Variants in SATL1 observed in about 807,000 individuals in gnomAD.
The protein encoded by SATL1 is spermidine/spermine N(1)-acetyltransferase-like protein 1.
A neutral mutation model predicts 51.8 loss-of-function variants in SATL1; 47 were observed. That is an observed-to-expected ratio of 0.91 (90% CI 0.72 to 1.16). The LOEUF (loss-of-function observed/expected upper bound fraction) is 1.16, where lower values mean the gene tolerates loss of function less well. Among genes scored for constraint, SATL1 ranks in the 50% most tolerant of loss-of-function variants. The probability of loss-of-function intolerance (pLI) is 0.00; values close to 1 mark genes in which losing one functional copy is unlikely to be tolerated. For synonymous variants in SATL1, 176 were observed against 182.4 expected (o/e 0.97, Z 0.28); for missense variants, 520 against 526.4 (o/e 0.99, Z 0.12).
chrX:85,147,868 TG>T (rs1382675055), intron 2 of SATL1, among the ~76,000 whole-genome samples: 1 of 110,613 alleles, frequency 9.0e-6, no homozygotes, highest in Non-Finnish European at 1.9e-5. Context: ...ACCACAAAGA[TG>T]GGGAAAAAAC....
chrX:85,165,525 C>A lies in SATL1; in HGVS notation c.-312-56245G>T, dbSNP rs1926815706. Among the ~76,000 whole-genome samples the A allele has an allele frequency of 1.0e-4, 11 of 110,289 alleles. 1 individual carries two copies. In the Admixed American group the frequency reaches 1.1e-3, roughly 11 times the overall value. ...CTAATTGAATAGCTTAATAATCAAC[C>A]TTCTGAATTCTTTATCTGGCAATTT... On this transcript the variant is annotated intron_variant, in intron 2 of 7. Coordinates refer to ENST00000644105, the MANE Select transcript of SATL1 (RefSeq NM_001367857.2).
At chrX:85,116,774 C>A (rs1219774800) in intron 2 of SATL1, among the ~76,000 whole-genome samples, 1 of 110,577 alleles carries the variant, frequency 9.0e-6, no homozygotes, top group Non-Finnish European at 1.9e-5. Context: ...TACCTACCTA[C>A]TCCAATAATA....
chrX:85,218,968 T>C (rs996971016), intron 2 of SATL1: 1 of 112,414 alleles, frequency 8.9e-6, no homozygotes, highest in Non-Finnish European at 1.9e-5. Flanking sequence ...CTAAAATAAC[T>C]AAACATAAGC....
intron 2 of SATL1, chrX:85,210,472 A>G (rs1020567782): frequency 1.8e-5 from 2 of 109,129 alleles, no homozygotes; most frequent in African/African-American, 6.7e-5. Context: ...ACTGCTTCCA[A>G]AGGAATCCTC....
At chrX:85,159,174 A>T (rs1249364675) in intron 2 of SATL1, among the ~76,000 whole-genome samples, 1 of 111,906 alleles carries the variant, frequency 8.9e-6, no homozygotes, top group Admixed American at 9.5e-5. Context: ...ACTCCACCCT[A>T]TAAGTACCTG....
At chrX:85,170,379 T>C (rs776684099) in intron 2 of SATL1, among the ~76,000 whole-genome samples, 146 of 111,810 alleles carry the variant, frequency 1.3e-3, no homozygotes, top group African/African-American at 4.4e-3. Flanking sequence ...TGCGACATTT[T>C]ATTTTGCCTT....
chrX:85,127,471 G>A (rs1161315947), intron 2 of SATL1, among the ~76,000 whole-genome samples: 1 of 111,197 alleles, frequency 9.0e-6, no homozygotes, highest in Non-Finnish European at 1.9e-5. Flanking sequence ...CTGGATGAAG[G>A]CATTAACTTC....
intron 2 of SATL1, among the ~76,000 whole-genome samples, chrX:85,172,211 T>C (rs1005978830): frequency 1.8e-5 from 2 of 111,751 alleles, no homozygotes; most frequent in South Asian, 3.7e-4. Context: ...CTAAAGAGGA[T>C]ATACGCATGT....
chrX:85,213,579 G>A (rs1044976749), intron 2 of SATL1, among the ~76,000 whole-genome samples: 5 of 111,337 alleles, frequency 4.5e-5, no homozygotes, highest in Non-Finnish European at 1.9e-5. Context: ...ATTTTTGGTT[G>A]ACCGCATAGC....
chrX:85,185,821 C>A (rs1004408979), intron 2 of SATL1, among the ~76,000 whole-genome samples: 1 of 110,531 alleles, frequency 9.0e-6, no homozygotes, highest in East Asian at 2.9e-4. Flanking sequence ...GCTCTACCCC[C>A]CTGTGGCCAA....
chrX:85,098,691 C>T (rs1027256194), intron 4 of SATL1, among the ~76,000 whole-genome samples: 2 of 111,228 alleles, frequency 1.8e-5, no homozygotes, highest in Admixed American at 9.6e-5. Context: ...AATTAAACAA[C>T]GCACCGTACA....
chrX:85,097,103 G>A (rs1336590435), intron 4 of SATL1, among the ~76,000 whole-genome samples: 3 of 111,401 alleles, frequency 2.7e-5, no homozygotes, highest in Non-Finnish European at 5.6e-5. Context: ...ACACTTACAC[G>A]TGGATTTTTT....
At position 85,229,063 on chromosome X, in the gene SATL1, C is replaced by A. The variant is rs73627333; in HGVS notation, c.-434-4737G>T. ...CTTTGGAGTCATCTTTGACTTTTCT[C>A]TTTATCTCTACTCCACATCCAATCT... On this transcript the variant is annotated intron_variant, in intron 1 of 7. Coordinates refer to ENST00000644105, the MANE Select transcript of SATL1 (RefSeq NM_001367857.2). Among the ~76,000 whole-genome samples, 1,024 of 111,536 alleles carry A rather than the reference C, an allele frequency of 9.2e-3. 11 individuals are homozygous for A. Among genetic ancestry groups the A allele is most frequent in the African/African-American group, 0.032 (970 of 30,741 alleles).
intron 2 of SATL1, among the ~76,000 whole-genome samples, chrX:85,223,075 C>G (rs772838651): frequency 4.5e-5 from 5 of 111,778 alleles, no homozygotes; most frequent in Non-Finnish European, 9.4e-5. Context: ...AGATTTTTAA[C>G]AGTTTCAGAG....
At chrX:85,188,204 G>A (rs146214483) in intron 2 of SATL1, among the ~76,000 whole-genome samples, 2 of 111,447 alleles carry the variant, frequency 1.8e-5, no homozygotes, top group African/African-American at 6.5e-5. Context: ...ATATATGTTA[G>A]CTGGGTGGAA....
chrX:85,114,240 C>T (rs1202149009), intron 2 of SATL1, among the ~76,000 whole-genome samples: 2 of 111,781 alleles, frequency 1.8e-5, no homozygotes, highest in South Asian at 7.4e-4. Context: ...TAAGAGTATA[C>T]TGTACTCAAT....
intron 3 of SATL1, among the ~76,000 whole-genome samples, chrX:85,106,263 G>C (rs1010605997): frequency 4.5e-5 from 5 of 111,671 alleles, no homozygotes; most frequent in African/African-American, 1.6e-4. Flanking sequence ...GAGAAATGAT[G>C]TGAGAATTTG....
At chrX:85,174,311 C>T (rs1602890199) in intron 2 of SATL1, among the ~76,000 whole-genome samples, 2 of 109,348 alleles carry the variant, frequency 1.8e-5, no homozygotes, top group Non-Finnish European at 3.8e-5. Context: ...AGTATAAGAC[C>T]TGTATGGATA....
At chrX:85,095,989 C>T (rs1434099022) in intron 4 of SATL1, among the ~76,000 whole-genome samples, 3 of 110,059 alleles carry the variant, frequency 2.7e-5, no homozygotes, top group African/African-American at 9.9e-5. Flanking sequence ...CCAGAGTTAC[C>T]ATAGTATAAG....
Sources: allele counts gnomAD v4.1 joint callset (sites outside exome capture counted in the v4.1 genomes callset), GRCh38; gene constraint gnomAD v4.1.1; transcripts MANE v1.5; gene names NCBI Gene and HGNC (gene_info 2026-07-23, HGNC 2026-07-21).